Variants in SIRPA observed in about 807,000 individuals in gnomAD.
SIRPA encodes signal regulatory protein alpha.
A neutral mutation model predicts 50.3 loss-of-function variants in SIRPA; 9 were observed. The ratio of observed to expected loss-of-function variants is 0.18; its 90% CI spans 0.11 to 0.31. The LOEUF (loss-of-function observed/expected upper bound fraction) is 0.31. Ranked by LOEUF, SIRPA falls within the 10% of genes least tolerant of loss-of-function variation. The pLI, the probability that SIRPA is intolerant of heterozygous loss-of-function variation, is 1.00. For synonymous variants in SIRPA, 265 were observed against 284.1 expected (o/e 0.93, Z 0.68); for missense variants, 474 against 661.6 (o/e 0.72, Z 3.11).
At position 1,928,118 on chromosome 20, in the gene SIRPA, C is replaced by T. The variant is rs1463877743; in HGVS notation, c.1226+219C>T. ...GGTGCACAGAGGTGCTAATTTCTTG[C>T]CTGCTCTTCCCAGACAACGAGACCC... On this transcript the variant is annotated intron_variant, in intron 6 of 7. Coordinates refer to ENST00000358771, the MANE Select transcript of SIRPA (RefSeq NM_001040023.2). This position sits in a 1 kb window ranked among gnomAD's most constrained non-coding sequence, Gnocchi z 4.9. 1.3e-5 allele frequency among the ~76,000 whole-genome samples: 2 copies of T among 152,146 alleles called. No individual in the cohort carries two copies. The highest frequency in any genetic ancestry group is 4.8e-5 in the African/African-American group (2 of 41,424).
rs1986379318 is a variant in SIRPA at position 1,933,080 on chromosome 20, G to C, written c.1227-1635G>C. Among the ~76,000 whole-genome samples the C allele has an allele frequency of 6.6e-6, 1 of 152,216 alleles. No homozygotes were observed. The highest frequency in any genetic ancestry group is 1.5e-5 in the Non-Finnish European group (1 of 68,034). On this transcript the variant is annotated intron_variant, in intron 6 of 7. Transcript: ENST00000358771. This position sits in a 1 kb window ranked among gnomAD's most constrained non-coding sequence, Gnocchi z 4.4. The stretch of plus-strand genomic sequence containing the variant: ...AGAAAAGGATTAAAGCAGATTAAGA[G>C]GCAGCAGCATGGAGCATGCAAAGGC...
chr20:1,899,837 T>A (rs978575940), intron 1 of SIRPA, among the ~76,000 whole-genome samples: 4 of 152,220 alleles, frequency 2.6e-5, no homozygotes, highest in African/African-American at 9.7e-5. Context: ...TATTAACCAC[T>A]CTATTGCAAG....
At position 1,901,959 on chromosome 20, in the gene SIRPA, G is replaced by A. The variant is rs1016599075; in HGVS notation, c.79+6433G>A. 2.6e-5 allele frequency among the ~76,000 whole-genome samples: 4 copies of A among 152,252 alleles called. No individual in the cohort carries two copies. The East Asian group carries it at 7.7e-4, about 29-fold the overall frequency. ...AGCTCCATTCTTCAGGCCGACCGTCGGTGTTCTCCAGAAATGGAAGCCCGT... is the reference window on the plus strand; with the variant it reads ...AGCTCCATTCTTCAGGCCGACCGTCAGTGTTCTCCAGAAATGGAAGCCCGT... On this transcript the variant is annotated intron_variant, in intron 1 of 7. Transcript: ENST00000358771.
intron 6 of SIRPA, among the ~76,000 whole-genome samples, chr20:1,929,279 G>A (rs528484392): frequency 1.3e-3 from 191 of 152,172 alleles, no homozygotes; most frequent in African/African-American, 4.1e-3. Context: ...TGACCATAGC[G>A]GTACTGGTCC....
rs1362429334 is a variant in SIRPA, at chr20:1,933,607, G to GC, written c.1227-1104dup. 6.6e-6 allele frequency among the ~76,000 whole-genome samples: 1 copy of GC among 152,198 alleles called. No individual in the cohort carries two copies. The highest frequency in any genetic ancestry group is 1.5e-5 in the Non-Finnish European group (1 of 68,046). ...CTGCGTGATCTTCCCCAGCAGACGTGCCCCTGCTCCTGGAGGGTTCTTTCT... is the reference window on the plus strand; with the variant it reads ...CTGCGTGATCTTCCCCAGCAGACGTGCCCCCTGCTCCTGGAGGGTTCTTTCT... On this transcript the variant is annotated intron_variant, in intron 6 of 7. Transcript: ENST00000358771. This position sits in a 1 kb window ranked among gnomAD's most constrained non-coding sequence, Gnocchi z 4.4.
upstream of SIRPA, chr20:1,894,231 G>A (rs1983615934): frequency 1.3e-5 from 2 of 152,274 alleles, no homozygotes; most frequent in African/African-American, 4.8e-5. This position sits in a 1 kb window ranked among gnomAD's most constrained non-coding sequence, Gnocchi z 4.0. Context: ...GACCTCCTGG[G>A]GAGGGTTAAA....
rs1568517589 is a variant in SIRPA, at chr20:1,937,616, C to T, written c.*48C>T. The T allele has an allele frequency of 3.1e-6, 5 of 1,594,900 alleles. No homozygotes were observed. The Admixed American group carries it at 6.7e-5, about 22-fold the overall frequency. ...CACCCATCTCTACGCGCTTTCTTGTCCCACAGGGAGCCGCCGTGATGAGCA... is the reference window on the plus strand; with the variant it reads ...CACCCATCTCTACGCGCTTTCTTGTTCCACAGGGAGCCGCCGTGATGAGCA... On this transcript the variant is annotated 3_prime_UTR_variant, in exon 8 of 8. Coordinates refer to ENST00000358771, the MANE Select transcript of SIRPA (RefSeq NM_001040023.2). This position sits in a 1 kb window ranked among gnomAD's most constrained non-coding sequence, Gnocchi z 8.3.
rs1986483842 is a variant in SIRPA at position 1,934,827 on chromosome 20, G to C, written c.1266+73G>C. On this transcript the variant is annotated intron_variant, in intron 7 of 7. Coordinates refer to ENST00000358771, the MANE Select transcript of SIRPA (RefSeq NM_001040023.2). This position sits in a 1 kb window ranked among gnomAD's most constrained non-coding sequence, Gnocchi z 4.6. ...TTGCTTCACATCAACCGGAATTGCAGATCTGGTTCTAAATTAAGACTCCTT... is the reference window on the plus strand; with the variant it reads ...TTGCTTCACATCAACCGGAATTGCACATCTGGTTCTAAATTAAGACTCCTT... 1.3e-6 allele frequency: 2 copies of C among 1,520,978 alleles called. No homozygotes were observed. Among genetic ancestry groups the C allele is most frequent in the Middle Eastern group, 1.7e-4 (1 of 5,896 alleles). The allele number at this position is 1,520,978 out of a possible 1,614,324, so 94.2% of individuals were successfully genotyped here.
At chr20:1,915,654 G>T (rs1170633797) in intron 2 of SIRPA, among the ~76,000 whole-genome samples, 199 bp downstream of exon 2, 1 of 152,242 alleles carries the variant, frequency 6.6e-6, no homozygotes, top group Non-Finnish European at 1.5e-5. Context: ...CTGGTAAAGG[G>T]TGGGAACATC....
chr20:1,919,709 T>C (rs1429856304), intron 2 of SIRPA, among the ~76,000 whole-genome samples: 1 of 152,188 alleles, frequency 6.6e-6, no homozygotes, highest in Non-Finnish European at 1.5e-5. Flanking sequence ...TTTAAAATGC[T>C]TCCAGCTTCT....
chr20:1,937,224 C>T lies in SIRPA; in HGVS notation c.1267-96C>T, dbSNP rs1258283270. 15 of 1,442,320 alleles carry T rather than the reference C, an allele frequency of 1.0e-5. No homozygotes were observed. The East Asian group carries it at 3.0e-4, about 29-fold the overall frequency. The allele number at this position is 1,442,320 out of a possible 1,614,324, so 89.3% of individuals were successfully genotyped here. A position where few individuals can be genotyped will look rare whatever the true frequency, so the allele number is the denominator to read the frequency against. ...TGAGCCAGTGTGGGCCGAGAGGACACAGAAGCATCCAGACTTGGTATTCAG... is the reference window on the plus strand; with the variant it reads ...TGAGCCAGTGTGGGCCGAGAGGACATAGAAGCATCCAGACTTGGTATTCAG... On this transcript the variant is annotated intron_variant, in intron 7 of 7. Transcript: ENST00000358771. The surrounding 1 kb of genome is among the most constrained non-coding windows in gnomAD (Gnocchi z 8.3).
Position 1,937,966 on chromosome 20 carries a change from T to A in SIRPA, c.*398T>A. 5.1e-6 allele frequency: 1 copy of A among 197,322 alleles called. No individual in the cohort carries two copies. The highest frequency in any genetic ancestry group is 1.3e-4 in the East Asian group (1 of 7,688). 12.2% of individuals were successfully genotyped at this position (197,322 alleles called of 1,614,324 possible). On this transcript the variant is annotated 3_prime_UTR_variant, in exon 8 of 8. Coordinates refer to ENST00000358771, the MANE Select transcript of SIRPA (RefSeq NM_001040023.2). This position sits in a 1 kb window ranked among gnomAD's most constrained non-coding sequence, Gnocchi z 8.3. ...GGGGAGGAGAAAATCCCACCTCCCC[T>A]GACCTCCACCACCTCCACCACCACC...
rs1325955250 is a variant in SIRPA at position 1,912,619 on chromosome 20, TAATG to T, written c.80-2479_80-2476del. On this transcript the variant is annotated intron_variant, in intron 1 of 7. Transcript: ENST00000358771. ...TGTGAATAATACAGCTATGTGATAA[TAATG>T]GGAATAAGAATTAAAACTTACCCAG... 3.4e-4 allele frequency among the ~76,000 whole-genome samples: 51 copies of T among 152,232 alleles called. 5 individuals carry two copies.
At chr20:1,919,098 T>A (rs1985490462) in intron 2 of SIRPA, among the ~76,000 whole-genome samples, 1 of 152,252 alleles carries the variant, frequency 6.6e-6, no homozygotes, top group Non-Finnish European at 1.5e-5. Flanking sequence ...TGTGTGATGC[T>A]GAAGCCATGC....
chr20:1,933,622 G>T lies in SIRPA; in HGVS notation c.1227-1093G>T, dbSNP rs1986415532. On this transcript the variant is annotated intron_variant, in intron 6 of 7. Coordinates refer to ENST00000358771, the MANE Select transcript of SIRPA (RefSeq NM_001040023.2). This position sits in a 1 kb window ranked among gnomAD's most constrained non-coding sequence, Gnocchi z 4.4. The stretch of plus-strand genomic sequence containing the variant: ...CAGCAGACGTGCCCCTGCTCCTGGA[G>T]GGTTCTTTCTGTGGCCACGTGGGGC... Among the ~76,000 whole-genome samples, 1 of 152,222 alleles carries T rather than the reference G, an allele frequency of 6.6e-6. No individual in the cohort carries two copies.
Position 1,922,424 on chromosome 20 carries a change from A to C in SIRPA, c.866A>C (p.Glu289Ala). The change falls in exon 4 of 8, where the codon GAG becomes GCG. Residue 289 changes from glutamate to alanine, a missense_variant. Glu to Ala is a moderately radical substitution (Grantham distance 107, BLOSUM62 -1). Around this residue, in one of 4 missense-constraint regions of SIRPA, gnomAD observed 221 missense variants for 359.9 expected, o/e 0.61. Transcript: ENST00000358771. ...YPQRLQLTWL[E>A]NGNVSRTETA... is the part of the protein sequence containing the mutation. ...CAGAGACTACAGCTGACCTGGTTGG[A>C]GAATGGAAACGTGTCCCGGACAGAA... 5.0e-6 allele frequency: 8 copies of C among 1,614,270 alleles called. No homozygotes were observed. The highest frequency in any genetic ancestry group is 6.8e-6 in the Non-Finnish European group (8 of 1,180,054).
chr20:1,913,598 C>G (rs950250275), intron 1 of SIRPA, among the ~76,000 whole-genome samples: 6 of 152,220 alleles, frequency 3.9e-5, no homozygotes, highest in Non-Finnish European at 8.8e-5. Context: ...CCCAGGTCAC[C>G]TGTCACCTGC....
At position 1,936,350 on chromosome 20, in the gene SIRPA, C is replaced by G. The variant is rs1986573261; in HGVS notation, c.1267-970C>G. ...TTGAAGACAGATGCTCAATAGGTAC[C>G]AGGCTCTGTTCTAAACGCTTTACCT... On this transcript the variant is annotated intron_variant, in intron 7 of 7. Transcript: ENST00000358771. This position sits in a 1 kb window ranked among gnomAD's most constrained non-coding sequence, Gnocchi z 4.2. Among the ~76,000 whole-genome samples the G allele has an allele frequency of 6.6e-6, 1 of 152,158 alleles. No individual in the cohort carries two copies. The highest frequency in any genetic ancestry group is 1.5e-5 in the Non-Finnish European group (1 of 68,030).
chr20:1,930,964 A>G (rs1986270667), intron 6 of SIRPA, among the ~76,000 whole-genome samples: 1 of 152,258 alleles, frequency 6.6e-6, no homozygotes, highest in African/African-American at 2.4e-5. Flanking sequence ...GACATTGTCG[A>G]TAATAGTAAC....
Sources: allele counts gnomAD v4.1 joint callset (sites outside exome capture counted in the v4.1 genomes callset), GRCh38; gene constraint gnomAD v4.1.1; regional missense constraint gnomAD v4.1.1; non-coding constraint Gnocchi (gnomAD v3.1); transcripts MANE v1.5; gene names NCBI Gene and HGNC (gene_info 2026-07-23, HGNC 2026-07-21).